The following DDX54 variants were observed in gnomAD, a reference collection of about 807,000 sequenced individuals.
DDX54 encodes the protein ATP-dependent RNA helicase DDX54.
A neutral mutation model predicts 105.5 loss-of-function variants in DDX54; 67 were observed. The observed-to-expected ratio is 0.64, with a 90% CI of 0.52 to 0.78. The LOEUF (loss-of-function observed/expected upper bound fraction) is 0.78, where lower values mean the gene tolerates loss of function less well. Among genes scored for constraint, DDX54 ranks in the 30% least tolerant of loss-of-function variants. The pLI, the probability that DDX54 is intolerant of heterozygous loss-of-function variation, is 0.00. For missense variants in DDX54, 1,206 were observed against 1,230.5 expected (o/e 0.98, Z 0.30); for synonymous variants, 514 against 509.9 (o/e 1.01, Z -0.11).
At chr12:113,168,303 G>A (rs1593001861) in intron 12 of DDX54, among the ~76,000 whole-genome samples, 1 of 152,236 alleles carries the variant, frequency 6.6e-6, no homozygotes, top group Admixed American at 6.5e-5. Flanking sequence ...TGAGGGCTGC[G>A]CTCTCTGCTG....
In DDX54 at chr12:113,158,892, C is replaced by A. The variant is rs748632245; in HGVS notation, c.2631G>T (p.Met877Ile). Residue 877 changes from methionine (M) to isoleucine (I), a missense_variant, in exon 20 of 20, where the codon ATG (methionine) becomes ATT (isoleucine). Met to Ile is a conservative substitution (Grantham distance 10). This residue lies in a region of DDX54 where 961 missense variants were observed against 1,019.1 expected (regional missense o/e 0.94). Transcript: ENST00000306014. This position sits in a 1 kb window ranked among gnomAD's most constrained non-coding sequence, Gnocchi z 4.9. ...GTCCTGGTCCTCACATCCTCTTCCG[C>A]ATCTTGCCCTTCTTGGAGCGGGCAC... Reference protein sequence around the residue: ...GRGARSKKGKMRKRM With the variant: ...GRGARSKKGKIRKRM The A allele has an allele frequency of 1.5e-5, 24 of 1,604,216 alleles. No homozygotes were observed. The highest frequency in any genetic ancestry group is 2.0e-5 in the Non-Finnish European group (24 of 1,173,126).
At position 113,158,933 on chromosome 12, in the gene DDX54, C is replaced by T. The variant is rs143051939; in HGVS notation, c.2590G>A (p.Gly864Ser). Residue 864 changes from glycine to serine, a missense_variant, in exon 20 of 20, where the codon GGC becomes AGC. Gly to Ser is a moderately conservative substitution (Grantham distance 56). This residue lies in a region of DDX54 where 961 missense variants were observed against 1,019.1 expected (regional missense o/e 0.94). Transcript: ENST00000306014. The surrounding 1 kb of genome is among the most constrained non-coding windows in gnomAD (Gnocchi z 4.9). ...NRRRVQELQQ[G>S]AFGRGARSKK... ...GAGCGGGCACCCCGGCCGAAGGCGCCCTGCTGCAGCTCCTGGACGCGGCGG... is the reference window on the plus strand; with the variant it reads ...GAGCGGGCACCCCGGCCGAAGGCGCTCTGCTGCAGCTCCTGGACGCGGCGG... 1 of 1,609,774 alleles carries T rather than the reference C, an allele frequency of 6.2e-7. No individual in the cohort carries two copies. Among genetic ancestry groups the T allele is most frequent in the African/African-American group, 1.3e-5 (1 of 74,864 alleles).
intron 11 of DDX54, among the ~76,000 whole-genome samples, 160 bp downstream of exon 11, chr12:113,172,193 G>GC (rs1199455702): frequency 6.6e-6 from 1 of 151,558 alleles, no homozygotes; most frequent in African/African-American, 2.4e-5. Context: ...TGGCACGATC[G>GC]CGAGTTTGAG....
At chr12:113,172,283 C>A (rs1952349458) in intron 11 of DDX54, 70 bp downstream of exon 11, 2 of 1,536,294 alleles carry the variant, frequency 1.3e-6, no homozygotes, top group Non-Finnish European at 8.8e-7. Flanking sequence ...AAGAGTTAAG[C>A]CTTGTACCCT....
intron 12 of DDX54, among the ~76,000 whole-genome samples, chr12:113,167,782 C>T (rs1952293617): frequency 6.6e-6 from 1 of 152,208 alleles, no homozygotes; most frequent in African/African-American, 2.4e-5. Flanking sequence ...TCCTTCCCTC[C>T]CTCTGCCCCT....
chr12:113,176,817 C>G (rs1952408804), intron 7 of DDX54, 23 bp downstream of exon 7: 1 of 1,612,816 alleles, frequency 6.2e-7, no homozygotes, highest in Non-Finnish European at 8.5e-7. Context: ...CACAAGTGCT[C>G]AGGGCTGGAC....
At chr12:113,184,716 C>T (rs1593012368) in intron 1 of DDX54, among the ~76,000 whole-genome samples, 2 of 152,262 alleles carry the variant, frequency 1.3e-5, no homozygotes, top group East Asian at 3.9e-4. Context: ...GTCTCAGCTA[C>T]CGGAGAGGCT....
At position 113,163,956 on chromosome 12, in the gene DDX54, A is replaced by T; in HGVS notation, c.1938+111T>A. On this transcript the variant is annotated intron_variant, in intron 15 of 19. Coordinates refer to ENST00000306014, the MANE Select transcript of DDX54 (RefSeq NM_024072.4). The surrounding 1 kb of genome is among the most constrained non-coding windows in gnomAD (Gnocchi z 5.9). ...ACTCTGCAGATGGGAAGCTGACTGC[A>T]TCCACCTCCATCCACTGCTCAAAGA... 7.0e-7 allele frequency: 1 copy of T among 1,431,916 alleles called. No individual in the cohort carries two copies. Among genetic ancestry groups the T allele is most frequent in the East Asian group, 2.5e-5 (1 of 39,750 alleles). The allele number at this position is 1,431,916 out of a possible 1,614,324, so 88.7% of individuals were successfully genotyped here.
chr12:113,160,060 C>T (rs1049370033), intron 19 of DDX54, among the ~76,000 whole-genome samples: 18 of 152,230 alleles, frequency 1.2e-4, no homozygotes, highest in Non-Finnish European at 2.2e-4. Context: ...CCTGCACGCC[C>T]ACTGCACGGC....
At position 113,172,538 on chromosome 12, in the gene DDX54, C is replaced by G; in HGVS notation, c.1094G>C (p.Cys365Ser). 1 of 1,614,224 alleles carries G rather than the reference C, an allele frequency of 6.2e-7. No homozygotes were observed. The highest frequency in any genetic ancestry group is 8.5e-7 in the Non-Finnish European group (1 of 1,180,058). Reference sequence around the variant, plus strand: ...GTCTAGGGCACTGTAGATGTGGGCGCAGCTCACCCGCTGGGTCGTCAGCAG... The same window carrying G: ...GTCTAGGGCACTGTAGATGTGGGCGGAGCTCACCCGCTGGGTCGTCAGCAG... ...TELLTTQRVS[C>S]AHIYSALDPT... is the part of the protein sequence containing the mutation. The change falls in exon 11 of 20, where the codon TGC (cysteine) becomes TCC (serine). Residue 365 changes from cysteine to serine, a missense_variant. By Grantham distance (112) the Cys-to-Ser change is moderately radical. Transcript: ENST00000306014.
At chr12:113,170,260 A>G (rs1382850639) in intron 11 of DDX54, among the ~76,000 whole-genome samples, 1 of 152,232 alleles carries the variant, frequency 6.6e-6, no homozygotes, top group African/African-American at 2.4e-5. Context: ...GTTGGAAACT[A>G]AAGTCTCAAG....
chr12:113,159,962 C>T (rs934428140), intron 19 of DDX54, among the ~76,000 whole-genome samples: 1 of 152,154 alleles, frequency 6.6e-6, no homozygotes, highest in Non-Finnish European at 1.5e-5. Flanking sequence ...CAGGGTGCCT[C>T]GCAGGACCTA....
At chr12:113,183,372 A>AT (rs1296597916) in intron 1 of DDX54, among the ~76,000 whole-genome samples, 1 of 152,208 alleles carries the variant, frequency 6.6e-6, no homozygotes, top group African/African-American at 2.4e-5. Context: ...TGTGCTGTTC[A>AT]TTACCTTTAG....
In DDX54 at chr12:113,180,956, T is replaced by C. The variant is rs200220997; in HGVS notation, c.277A>G (p.Lys93Glu). The change falls in exon 2 of 20, where the codon AAG becomes GAG. Residue 93 changes from lysine (K) to glutamate (E), a missense_variant. Lys to Glu is a moderately conservative substitution (Grantham distance 56). Coordinates refer to ENST00000306014, the MANE Select transcript of DDX54 (RefSeq NM_024072.4). ...ATGGACTGGAAGCCTCCAGACTTCTTCTTCTTCTTGTTCTGGGCACGCACC... is the reference window on the plus strand; with the variant it reads ...ATGGACTGGAAGCCTCCAGACTTCTCCTTCTTCTTGTTCTGGGCACGCACC... ...EMVRAQNKKK[K>E]KSGGFQSMGL... 1.2e-6 allele frequency: 2 copies of C among 1,613,830 alleles called. No individual in the cohort carries two copies. The highest frequency in any genetic ancestry group is 3.3e-5 in the Admixed American group (2 of 59,986).
chr12:113,162,851 A>G (rs542133575), intron 17 of DDX54, 81 bp downstream of exon 17: 3 of 1,348,826 alleles, frequency 2.2e-6, no homozygotes, highest in South Asian at 2.9e-5. Context: ...GGCTCACTCG[A>G]TCACTCACCC....
Position 113,180,068 on chromosome 12 carries a change from C to T in DDX54, c.305-63G>A, listed in dbSNP as rs920880288. The T allele has an allele frequency of 4.7e-6, 7 of 1,483,604 alleles. No homozygotes were observed. The African/African-American group carries it at 9.7e-5, about 21-fold the overall frequency. The allele number at this position is 1,483,604 out of a possible 1,614,324, so 91.9% of individuals were successfully genotyped here. A position where few individuals can be genotyped will look rare whatever the true frequency, so the allele number is the denominator to read the frequency against. ...TCCCCACAGCACCAACCCCAGAGAA[C>T]TTTACAGGACAAATGACAGCTTCAT... On this transcript the variant is annotated intron_variant, in intron 2 of 19. Coordinates refer to ENST00000306014, the MANE Select transcript of DDX54 (RefSeq NM_024072.4).
At chr12:113,181,951 C>T (rs1380206812) in intron 1 of DDX54, among the ~76,000 whole-genome samples, 1 of 151,522 alleles carries the variant, frequency 6.6e-6, no homozygotes, top group Non-Finnish European at 1.5e-5. Flanking sequence ...CAGGAGTTCC[C>T]AGACTAGCCT....
chr12:113,179,904 G>A (rs377011843), intron 3 of DDX54, 31 bp downstream of exon 3: 24 of 1,613,042 alleles, frequency 1.5e-5, no homozygotes, highest in African/African-American at 2.7e-5. Flanking sequence ...CTCCTCCCTC[G>A]CCCTCACCCG....
chr12:113,165,891 T>C lies in DDX54; in HGVS notation c.1556A>G (p.Tyr519Cys), dbSNP rs1214816697. The change falls in exon 13 of 20, where the codon TAT becomes TGT. Residue 519 changes from tyrosine to cysteine, a missense_variant. By Grantham distance (194) the Tyr-to-Cys change is radical. Coordinates refer to ENST00000306014, the MANE Select transcript of DDX54 (RefSeq NM_024072.4). ...CGAGGGCGCCGGGCGTGAGCGCACA[T>C]ACTGCTGCTGGGCGTTATCAGCAAC... The part of the protein sequence containing the change: ...ARVADNAQQQ[Y>C]VRSRPAPSPE... The C allele has an allele frequency of 3.7e-6, 6 of 1,613,636 alleles. No individual in the cohort carries two copies. The highest frequency in any genetic ancestry group is 2.7e-5 in the African/African-American group (2 of 74,934).
Sources: allele counts gnomAD v4.1 joint callset (sites outside exome capture counted in the v4.1 genomes callset), GRCh38; gene constraint gnomAD v4.1.1; regional missense constraint gnomAD v4.1.1; non-coding constraint Gnocchi (gnomAD v3.1); transcripts MANE v1.5; gene names NCBI Gene and HGNC (gene_info 2026-07-23, HGNC 2026-07-21).